CCDC60: variants seen among roughly 807,000 people sequenced by gnomAD.
CCDC60 encodes the protein coiled-coil domain containing 60, also known as coiled-coil domain-containing protein 60.
In CCDC60, 54 loss-of-function variants were observed where a neutral mutation model predicts 63.5. The observed-to-expected ratio is 0.85, with a 90% CI of 0.68 to 1.07. The LOEUF is 1.07. CCDC60 is among the 50% of genes least tolerant of loss of function. The pLI is 0.00. For synonymous variants in CCDC60, 206 were observed against 238.8 expected (o/e 0.86, Z 1.27); for missense variants, 651 against 684.3 (o/e 0.95, Z 0.54).
chr12:119,523,663 T>C, intron 10 of CCDC60, 30 bp from the exon 11 acceptor site: 1 of 1,612,148 alleles, frequency 6.2e-7, no homozygotes, highest in Non-Finnish European at 8.5e-7. Context: ...TGGGCTCCAT[T>C]CCCCAAGCCC....
chr12:119,436,848 A>G (rs1950336017), intron 2 of CCDC60, among the ~76,000 whole-genome samples: 1 of 152,160 alleles, frequency 6.6e-6, no homozygotes, highest in East Asian at 1.9e-4. Context: ...AGTGATACCA[A>G]TACTTTTAAC....
intron 5 of CCDC60, among the ~76,000 whole-genome samples, chr12:119,492,827 C>T (rs984012300): frequency 2.6e-5 from 4 of 152,124 alleles, no homozygotes; most frequent in African/African-American, 9.7e-5. Flanking sequence ...TATCTGGGAA[C>T]ACAATGAATG....
chr12:119,408,168 AC>A (rs1956528306), intron 1 of CCDC60, among the ~76,000 whole-genome samples: 2 of 152,240 alleles, frequency 1.3e-5, no homozygotes, highest in Admixed American at 6.5e-5. Context: ...AGTTTATGTA[AC>A]CCAAATCATC....
intron 3 of CCDC60, among the ~76,000 whole-genome samples, chr12:119,473,256 A>G (rs1273100357): frequency 6.6e-6 from 1 of 152,206 alleles, no homozygotes; most frequent in Non-Finnish European, 1.5e-5. Flanking sequence ...GGCACAAACC[A>G]AGGATGGAAA....
chr12:119,377,129 C>T (rs1034960455), intron 1 of CCDC60, among the ~76,000 whole-genome samples: 2 of 151,812 alleles, frequency 1.3e-5, no homozygotes, highest in East Asian at 3.9e-4. Flanking sequence ...GTGGCACGTG[C>T]CTGTAATCCC....
chr12:119,431,843 T>C (rs923541748), intron 2 of CCDC60, among the ~76,000 whole-genome samples: 1 of 152,096 alleles, frequency 6.6e-6, no homozygotes, highest in Admixed American at 6.5e-5. Context: ...CACGCCTGGC[T>C]AATTTTTTTG....
At chr12:119,521,577 G>A (rs972638947) in intron 9 of CCDC60, among the ~76,000 whole-genome samples, 13 of 152,098 alleles carry the variant, frequency 8.5e-5, no homozygotes, top group African/African-American at 1.7e-4. Flanking sequence ...AAGGTCCTGC[G>A]GCAGGAGGAA....
intron 1 of CCDC60, among the ~76,000 whole-genome samples, chr12:119,380,716 T>A (rs1410669649): frequency 6.6e-6 from 1 of 152,244 alleles, no homozygotes; most frequent in Non-Finnish European, 1.5e-5. Flanking sequence ...TTAGTGCTAT[T>A]CAATTTTTAA....
chr12:119,373,708 G>C (rs1294936529), intron 1 of CCDC60, among the ~76,000 whole-genome samples: 1 of 151,884 alleles, frequency 6.6e-6, no homozygotes. Context: ...AATGAGATGG[G>C]GGGCGTCCCC....
intron 5 of CCDC60, among the ~76,000 whole-genome samples, chr12:119,491,622 C>T (rs936626513): frequency 3.9e-5 from 6 of 152,230 alleles, no homozygotes; most frequent in African/African-American, 1.4e-4. Flanking sequence ...GCCACTGTGC[C>T]CGGCCCCTTA....
chr12:119,521,641 GC>G (rs1439284315), intron 9 of CCDC60, among the ~76,000 whole-genome samples: 1 of 152,118 alleles, frequency 6.6e-6, no homozygotes, highest in East Asian at 1.9e-4. Context: ...CTCAAAGAGG[GC>G]CAGGTGGGGG....
chr12:119,453,260 T>A (rs936882457), intron 2 of CCDC60, among the ~76,000 whole-genome samples: 3 of 152,240 alleles, frequency 2.0e-5, no homozygotes, highest in Non-Finnish European at 4.4e-5. Flanking sequence ...TGATATGGGA[T>A]CTTCAGATTC....
At chr12:119,502,341 C>A (rs963300739) in intron 6 of CCDC60, among the ~76,000 whole-genome samples, 2 of 152,182 alleles carry the variant, frequency 1.3e-5, no homozygotes, top group African/African-American at 2.4e-5. Flanking sequence ...GTCTGCAACC[C>A]CTACTTCACA....
intron 1 of CCDC60, among the ~76,000 whole-genome samples, chr12:119,405,333 A>G (rs1378323402): frequency 6.6e-6 from 1 of 152,232 alleles, no homozygotes; most frequent in African/African-American, 2.4e-5. Flanking sequence ...TTACTCAATT[A>G]CATTTCCTTG....
intron 13 of CCDC60, among the ~76,000 whole-genome samples, chr12:119,539,007 G>A (rs1388510930): frequency 2.6e-5 from 4 of 152,174 alleles, no homozygotes; most frequent in Non-Finnish European, 5.9e-5. Flanking sequence ...GTTTTCCTGG[G>A]TATCACCAGT....
chr12:119,390,057 A>G (rs1956129525), intron 1 of CCDC60, among the ~76,000 whole-genome samples: 1 of 152,192 alleles, frequency 6.6e-6, no homozygotes, highest in Non-Finnish European at 1.5e-5. Context: ...AGGTCATCAA[A>G]TCTCTCTCCT....
At chr12:119,442,687 A>T (rs985121469) in intron 2 of CCDC60, among the ~76,000 whole-genome samples, 1 of 152,202 alleles carries the variant, frequency 6.6e-6, no homozygotes, top group African/African-American at 2.4e-5. Flanking sequence ...ATCCACACAA[A>T]CATAATAACT....
Position 119,428,718 on chromosome 12 carries a change from G to C in CCDC60, c.126G>C (p.Met42Ile). The change falls in exon 2 of 14, where the codon ATG (methionine) becomes ATC (isoleucine). Residue 42 changes from methionine (M) to isoleucine (I), a missense_variant. Met to Ile is a conservative substitution (Grantham distance 10). Transcript: ENST00000327554. The stretch of plus-strand genomic sequence containing the variant: ...AGCCAATGAAGAGCATCAAGTATAT[G>C]GACAAGGAAATAATAAACCTCAAAA... ...PDKPMKSIKYMDKEIINLKKD... is the reference protein window; with the variant it reads ...PDKPMKSIKYIDKEIINLKKD... 6.2e-7 allele frequency: 1 copy of C among 1,607,654 alleles called. No individual in the cohort carries two copies. The highest frequency in any genetic ancestry group is 8.5e-7 in the Non-Finnish European group (1 of 1,176,198).
At chr12:119,382,873 G>A (rs185306388) in intron 1 of CCDC60, among the ~76,000 whole-genome samples, 2 of 152,120 alleles carry the variant, frequency 1.3e-5, no homozygotes, top group African/African-American at 4.8e-5. Context: ...CACTCAATGT[G>A]AATACAAAGC....
Sources: gnomAD v4.1 joint callset for allele counts (sites outside exome capture counted in the v4.1 genomes callset) on GRCh38, gnomAD v4.1.1 for gene constraint, MANE v1.5 for transcripts, NCBI Gene and HGNC (gene_info 2026-07-23, HGNC 2026-07-21) for gene names.